The following PAOX variants were observed in gnomAD, a reference collection of about 807,000 sequenced individuals.
PAOX encodes peroxisomal N(1)-acetyl-spermine/spermidine oxidase.
A neutral mutation model predicts 39.0 loss-of-function variants in PAOX; 38 were observed. The ratio of observed to expected loss-of-function variants is 0.97; its 90% confidence interval spans 0.75 to 1.28. The LOEUF (loss-of-function observed/expected upper bound fraction) is 1.28. Among genes scored for constraint, PAOX ranks in the 50% most tolerant of loss-of-function variants. The pLI, the probability that PAOX is intolerant of heterozygous loss-of-function variation, is 0.00. For synonymous variants in PAOX, 311 were observed against 314.4 expected, an observed-to-expected ratio of 0.99 and a Z score of 0.11; for missense variants, 667 against 685.7, an observed-to-expected ratio of 0.97 and a Z score of 0.30.
intron 6 of PAOX, 70 bp downstream of exon 6, chr10:133,389,817 A>G (rs1446188548): frequency 8.0e-6 from 11 of 1,381,624 alleles, no homozygotes; most frequent in Middle Eastern, 2.7e-4. Context: ...TGGGCGCTGC[A>G]GGAGCACCAG....
rs1381521704 is a variant in PAOX at position 133,384,651 on chromosome 10, T to C, written c.1121+439T>C. ...GGAGACCCACAGAGGAAGGGCTCCCTTGTATGGGCTGGCCCTCTTAGAAAC... is the reference window on the plus strand; with the variant it reads ...GGAGACCCACAGAGGAAGGGCTCCCCTGTATGGGCTGGCCCTCTTAGAAAC... On this transcript the variant is annotated intron_variant, in intron 4 of 6. Transcript: ENST00000278060. The surrounding 1 kb of genome is among the most constrained non-coding windows in gnomAD (Gnocchi z 4.3). Among the ~76,000 whole-genome samples, 1 of 152,214 alleles carries C rather than the reference T, an allele frequency of 6.6e-6. No homozygotes were observed. The highest frequency in any genetic ancestry group is 1.5e-5 in the Non-Finnish European group (1 of 68,028).
Position 133,384,645 on chromosome 10 carries a change from G to A in PAOX, c.1121+433G>A, listed in dbSNP as rs1849486856. ...GGAATGGGAGACCCACAGAGGAAGGGCTCCCTTGTATGGGCTGGCCCTCTT... is the reference window on the plus strand; with the variant it reads ...GGAATGGGAGACCCACAGAGGAAGGACTCCCTTGTATGGGCTGGCCCTCTT... On this transcript the variant is annotated intron_variant, in intron 4 of 6. Transcript: ENST00000278060. The surrounding 1 kb of genome is among the most constrained non-coding windows in gnomAD (Gnocchi z 4.3). 2.0e-5 allele frequency among the ~76,000 whole-genome samples: 3 copies of A among 152,236 alleles called. No individual in the cohort carries two copies. Among genetic ancestry groups the A allele is most frequent in the African/African-American group, 7.2e-5 (3 of 41,456 alleles).
intron 3 of PAOX, 57 bp from the exon 4 acceptor site, chr10:133,383,903 C>G (rs1849463529): frequency 3.2e-6 from 5 of 1,557,862 alleles, no homozygotes; most frequent in African/African-American, 1.4e-5. Context: ...TCTGGACAGA[C>G]AGGACTTCCG....
At position 133,391,326 on chromosome 10, in the gene PAOX, T is replaced by C. The variant is rs1214299078; in HGVS notation, c.1407T>C (p.Phe469=). ...DGAGAQLQIL[F]AGEATHRTFY... ...CTTCTTTGCAGCTCCAGATCCTGTT[T>C]GCGGGGGAAGCCACACATCGCACGT... The change falls in exon 7 of 7, where the codon TTT becomes TTC. Residue 469 remains phenylalanine, a synonymous_variant. Transcript: ENST00000278060. The C allele has an allele frequency of 2.5e-6, 4 of 1,613,382 alleles. No individual in the cohort carries two copies. In the African/African-American group the frequency reaches 5.3e-5, roughly 22 times the overall value.
In PAOX at chr10:133,384,561, G is replaced by A. The variant is rs557064612; in HGVS notation, c.1121+349G>A. On this transcript the variant is annotated intron_variant, in intron 4 of 6. Coordinates refer to ENST00000278060, the MANE Select transcript of PAOX (RefSeq NM_152911.4). The surrounding 1 kb of genome is among the most constrained non-coding windows in gnomAD (Gnocchi z 4.3). ...ACTTTGAAACACCATCTGCCCATAC[G>A]TGGGGAGACAATACTTAAATGGGAT... Among the ~76,000 whole-genome samples the A allele has an allele frequency of 6.6e-6, 1 of 152,188 alleles. No individual in the cohort carries two copies. Among genetic ancestry groups the A allele is most frequent in the Non-Finnish European group, 1.5e-5 (1 of 68,036 alleles).
In PAOX at chr10:133,384,532, A is replaced by G. The variant is rs1351157498; in HGVS notation, c.1121+320A>G. 6.6e-6 allele frequency among the ~76,000 whole-genome samples: 1 copy of G among 152,174 alleles called. No homozygotes were observed. The highest frequency in any genetic ancestry group is 1.5e-5 in the Non-Finnish European group (1 of 68,032). On this transcript the variant is annotated intron_variant, in intron 4 of 6. Transcript: ENST00000278060. This position sits in a 1 kb window ranked among gnomAD's most constrained non-coding sequence, Gnocchi z 4.3. ...AGGGAGCTGGGGCTTGTAGATACAGAAGAACTTTGAAACACCATCTGCCCA... is the reference window on the plus strand; with the variant it reads ...AGGGAGCTGGGGCTTGTAGATACAGGAGAACTTTGAAACACCATCTGCCCA...
In PAOX at chr10:133,389,693, G is replaced by A; in HGVS notation, c.1338G>A (p.Gly446=). The A allele has an allele frequency of 6.2e-7, 1 of 1,603,368 alleles. No homozygotes were observed. The highest frequency in any genetic ancestry group is 8.5e-7 in the Non-Finnish European group (1 of 1,173,320). The change falls in exon 6 of 7, where the codon GGG becomes GGA. Residue 446 remains glycine, a synonymous_variant. Transcript: ENST00000278060. ...GCTACGTGGCCGTGGGCAGTACTGG[G>A]GGCGACCTGGACCTGCTGGCTCAGC... ...SYSYVAVGST[G]GDLDLLAQPL...
At position 133,389,086 on chromosome 10, in the gene PAOX, A is replaced by C; in HGVS notation, c.1234+18A>C. On this transcript the variant is annotated intron_variant, in intron 5 of 6. Coordinates refer to ENST00000278060, the MANE Select transcript of PAOX (RefSeq NM_152911.4). The stretch of plus-strand genomic sequence containing the variant: ...AGTGACAGGTAGGTACTCACCACAC[A>C]CGCTGGTTCCTGCCTCTGCTCGTTA... 6.4e-7 allele frequency: 1 copy of C among 1,569,904 alleles called. No individual in the cohort carries two copies. The highest frequency in any genetic ancestry group is 8.8e-7 in the Non-Finnish European group (1 of 1,139,756).
intron 6 of PAOX, among the ~76,000 whole-genome samples, chr10:133,390,567 ACT>A (rs544058203): frequency 4.1e-4 from 63 of 152,236 alleles, no homozygotes; most frequent in African/African-American, 1.5e-3. Context: ...TCAGAGCAAG[ACT>A]CTGTCTCAGA....
Position 133,380,059 on chromosome 10 carries a change from TC to T in PAOX, c.244del (p.Gln82SerfsTer32), listed in dbSNP as rs1849313866. 3 of 1,526,882 alleles carry T rather than the reference TC, an allele frequency of 2.0e-6. No homozygotes were observed. The highest frequency in any genetic ancestry group is 1.3e-5 in the South Asian group (1 of 76,874). The allele number at this position is 1,526,882 out of a possible 1,614,324, so 94.6% of individuals were successfully genotyped here. On this transcript the variant is annotated frameshift_variant, in exon 2 of 7. Coordinates refer to ENST00000278060, the MANE Select transcript of PAOX (RefSeq NM_152911.4). LOFTEE classifies it high-confidence loss of function. ...IHGPSRGNPV[F>X]QLAAEYGLLG... ...GGGCCCTCCCGGGGTAACCCCGTCT[TC>T]CAGCTGGCTGCTGAGTACGGGCTGC...
rs190258976 is a variant in PAOX, at chr10:133,385,610, G to C, written c.1121+1398G>C. On this transcript the variant is annotated intron_variant, in intron 4 of 6. Coordinates refer to ENST00000278060, the MANE Select transcript of PAOX (RefSeq NM_152911.4). ...AATATTTTTTTGTTTTTGAGATGGAGTCTCGCTCTGTCCCCCAGACTGGAG... is the reference window on the plus strand; with the variant it reads ...AATATTTTTTTGTTTTTGAGATGGACTCTCGCTCTGTCCCCCAGACTGGAG... Among the ~76,000 whole-genome samples, 39 of 152,244 alleles carry C rather than the reference G, an allele frequency of 2.6e-4. No homozygotes were observed. The East Asian group carries it at 7.2e-3, about 28-fold the overall frequency.
At position 133,390,801 on chromosome 10, in the gene PAOX, T is replaced by C. The variant is rs1332127207; in HGVS notation, c.1393-511T>C. Reference sequence around the variant, plus strand: ...TCAGATAAGGCTGTAGCTTTCTTCCTCTGCCCACCCGACTCCCAGATCCCT... The same window carrying C: ...TCAGATAAGGCTGTAGCTTTCTTCCCCTGCCCACCCGACTCCCAGATCCCT... On this transcript the variant is annotated intron_variant, in intron 6 of 6. Coordinates refer to ENST00000278060, the MANE Select transcript of PAOX (RefSeq NM_152911.4). 5.0e-6 allele frequency: 3 copies of C among 600,040 alleles called. No individual in the cohort carries two copies. The African/African-American group carries it at 5.6e-5, about 11-fold the overall frequency. The allele number at this position is 600,040 out of a possible 1,614,324, so 37.2% of individuals were successfully genotyped here. A position where few individuals can be genotyped will look rare whatever the true frequency, so the allele number is the denominator to read the frequency against.
rs753437871 is a variant in PAOX at position 133,381,652 on chromosome 10, G to C, written c.861G>C (p.Val287=). 9.9e-6 allele frequency: 16 copies of C among 1,612,880 alleles called. No homozygotes were observed. In the East Asian group the frequency reaches 1.8e-4, roughly 18 times the overall value. Residue 287 remains valine (V), a synonymous_variant, in exon 3 of 7, where the codon GTG becomes GTC. Coordinates refer to ENST00000278060, the MANE Select transcript of PAOX (RefSeq NM_152911.4). ...CGGCGCACCATGTCATCGTCACCGT[G>C]CCCTTAGGTAGGTCAGGTTTTCAGC... ...RFPAHHVIVT[V]PLGFLREHLD... is the part of the protein sequence containing the mutation.
rs766000479 is a variant in PAOX at position 133,381,651 on chromosome 10, T to G, written c.860T>G (p.Val287Gly). The G allele has an allele frequency of 1.9e-6, 3 of 1,613,068 alleles. No individual in the cohort carries two copies. Among genetic ancestry groups the G allele is most frequent in the Admixed American group, 3.3e-5 (2 of 60,016 alleles). Residue 287 changes from valine to glycine, a missense_variant, in exon 3 of 7, where the codon GTG (valine) becomes GGG (glycine). Transcript: ENST00000278060. ...CCGGCGCACCATGTCATCGTCACCG[T>G]GCCCTTAGGTAGGTCAGGTTTTCAG... is the stretch of plus-strand genomic sequence containing the variant. Reference protein sequence around the residue: ...RFPAHHVIVTVPLGFLREHLD... With the variant: ...RFPAHHVIVTGPLGFLREHLD...
Position 133,384,364 on chromosome 10 carries a change from G to A in PAOX, c.1121+152G>A. 3 of 1,260,978 alleles carry A rather than the reference G, an allele frequency of 2.4e-6. No individual in the cohort carries two copies. The highest frequency in any genetic ancestry group is 3.3e-6 in the Non-Finnish European group (3 of 915,790). The allele number at this position is 1,260,978 out of a possible 1,614,324, so 78.1% of individuals were successfully genotyped here. ...AGCGCCCCCCCACCAGGTGCTGGCTGCACCTGGGCCTGACCCCTGCGGGGA... is the reference window on the plus strand; with the variant it reads ...AGCGCCCCCCCACCAGGTGCTGGCTACACCTGGGCCTGACCCCTGCGGGGA... On this transcript the variant is annotated intron_variant, in intron 4 of 6. Transcript: ENST00000278060. This position sits in a 1 kb window ranked among gnomAD's most constrained non-coding sequence, Gnocchi z 4.3.
intron 4 of PAOX, among the ~76,000 whole-genome samples, chr10:133,388,537 T>A (rs1849584859): frequency 6.6e-6 from 1 of 152,264 alleles, no homozygotes; most frequent in Non-Finnish European, 1.5e-5. Flanking sequence ...ATGTGGATCC[T>A]GTTGCTGCCT....
In PAOX at chr10:133,389,750, A is replaced by G. The variant is rs1422428971; in HGVS notation, c.1392+3A>G. On this transcript the variant is annotated splice_donor_region_variant and intron_variant, in intron 6 of 6. Transcript: ENST00000278060. ...CTGCAGACGGCGCCGGCGCCCAGGT[A>G]TGTGGCGTGCCCCAGTCGGGGGGCG... 2.6e-6 allele frequency: 4 copies of G among 1,515,196 alleles called. No homozygotes were observed. The highest frequency in any genetic ancestry group is 2.6e-6 in the Non-Finnish European group (3 of 1,132,090). 93.9% of individuals were successfully genotyped at this position (1,515,196 alleles called of 1,614,324 possible).
In PAOX at chr10:133,380,174, G is replaced by C. The variant is rs1849320510; in HGVS notation, c.357G>C (p.Gly119=). 1 of 1,611,244 alleles carries C rather than the reference G, an allele frequency of 6.2e-7. No individual in the cohort carries two copies. The highest frequency in any genetic ancestry group is 1.3e-5 in the African/African-American group (1 of 75,032). ...CCTCCGTGAGCTACGCCAGCTCCGG[G>C]GCCAGCGTGAGCCTCCAGCTGGTGG... The part of the protein sequence containing the change: ...GLPSVSYASS[G]ASVSLQLVAE... The change falls in exon 2 of 7, where the codon GGG becomes GGC. Residue 119 remains glycine, a synonymous_variant. Transcript: ENST00000278060.
chr10:133,386,721 AC>A (rs2133471269), intron 4 of PAOX, among the ~76,000 whole-genome samples: 1 of 152,190 alleles, frequency 6.6e-6, no homozygotes, highest in Non-Finnish European at 1.5e-5. Flanking sequence ...TGATCTGCCC[AC>A]CTTGGCCTCC....
Sources: gnomAD v4.1 joint callset for allele counts (sites outside exome capture counted in the v4.1 genomes callset) on GRCh38, gnomAD v4.1.1 for gene constraint, Gnocchi (gnomAD v3.1) non-coding constraint, MANE v1.5 for transcripts, NCBI Gene and HGNC (gene_info 2026-07-23, HGNC 2026-07-21) for gene names.